AOC2: variants seen among roughly 807,000 people sequenced by gnomAD.
AOC2 encodes the protein amine oxidase [copper-containing] 2.
Under a neutral mutation model 53.8 loss-of-function variants are expected in AOC2, and 57 were observed. The observed-to-expected ratio is 1.06, with a 90% CI of 0.86 to 1.32. The LOEUF is 1.32. AOC2 is among the 40% of genes most tolerant of loss of function. The pLI is 0.00. For missense variants in AOC2, 1,008 were observed against 957.2 expected (o/e 1.05, Z -0.70); for synonymous variants, 404 against 399.0 (o/e 1.01, Z -0.15).
intron 1 of AOC2, among the ~76,000 whole-genome samples, chr17:42,846,834 C>T (rs2055603462): frequency 6.6e-6 from 1 of 152,174 alleles, no homozygotes; most frequent in South Asian, 2.1e-4. Flanking sequence ...GGGCTCAAAG[C>T]ACACAGAGGA....
rs1292333411 is a variant in AOC2, at chr17:42,845,798, G to A, written c.1172G>A (p.Gly391Asp). The A allele has an allele frequency of 3.1e-6, 5 of 1,614,092 alleles. No individual in the cohort carries two copies. The highest frequency in any genetic ancestry group is 4.2e-6 in the Non-Finnish European group (5 of 1,180,052). ...TTTGGACTCGGCCGTAACAGCCGAG[G>A]CTTGGTGCGGGGAGTGGACTGCCCC... The part of the protein sequence containing the change: ...SSFGLGRNSR[G>D]LVRGVDCPYQ... The change falls in exon 1 of 4, where the codon GGC becomes GAC. Residue 391 changes from glycine to aspartate, a missense_variant. Physicochemically the swap from Gly to Asp is moderately conservative, Grantham distance 94. Transcript: ENST00000253799.
chr17:42,845,030 G>A lies in AOC2; in HGVS notation c.404G>A (p.Ser135Asn). Reference protein sequence around the residue: ...LFGGQPQPNVSELVVGPLPHP... With the variant: ...LFGGQPQPNVNELVVGPLPHP... The stretch of plus-strand genomic sequence containing the variant: ...GGTGGACAACCCCAACCCAATGTGA[G>A]TGAGCTGGTGGTGGGGCCGCTGCCT... Residue 135 changes from serine to asparagine, a missense_variant, in exon 1 of 4, where the codon AGT becomes AAT. Transcript: ENST00000253799. 3 of 1,613,932 alleles carry A rather than the reference G, an allele frequency of 1.9e-6. No homozygotes were observed. Among genetic ancestry groups the A allele is most frequent in the Non-Finnish European group, 2.5e-6 (3 of 1,180,000 alleles).
chr17:42,850,052 T>C (rs1333139247), intron 3 of AOC2, 30 bp from the exon 4 acceptor site: 1 of 1,606,026 alleles, frequency 6.2e-7, no homozygotes, highest in Admixed American at 1.7e-5. Context: ...CACGCTTCCA[T>C]AGTCCTCCAG....
Position 42,845,705 on chromosome 17 carries a change from A to G in AOC2, c.1079A>G (p.Gln360Arg), listed in dbSNP as rs2055592062. The change falls in exon 1 of 4, where the codon CAG becomes CGG. Residue 360 changes from glutamine (Q) to arginine (R), a missense_variant. Transcript: ENST00000253799. ...CGAATAGCCTATGAAGTCAGTGTCC[A>G]GGAGTGTGTATCTATCTATGGTGCC... ...GERIAYEVSVQECVSIYGADS... is the reference protein window; with the variant it reads ...GERIAYEVSVRECVSIYGADS... 6.8e-6 allele frequency: 11 copies of G among 1,614,098 alleles called. No individual in the cohort carries two copies. The highest frequency in any genetic ancestry group is 1.3e-5 in the African/African-American group (1 of 74,924).
At chr17:42,846,876 A>C (rs995532678) in intron 1 of AOC2, among the ~76,000 whole-genome samples, 1 of 152,258 alleles carries the variant, frequency 6.6e-6, no homozygotes, top group Admixed American at 6.5e-5. Flanking sequence ...TGTCAAGGAC[A>C]GAAAGGAACT....
chr17:42,845,885 C>G lies in AOC2; in HGVS notation c.1259C>G (p.Pro420Arg). Reference sequence around the variant, plus strand: ...GGCAAAGGGGCAGTCCAGCTGCTTCCAGGGGCTGTGTGTGTATTTGAGGAA... The same window carrying G: ...GGCAAAGGGGCAGTCCAGCTGCTTCGAGGGGCTGTGTGTGTATTTGAGGAA... The part of the protein sequence containing the change: ...LVGKGAVQLL[P>R]GAVCVFEEAQ... The change falls in exon 1 of 4, where the codon CCA becomes CGA. Residue 420 changes from proline (P) to arginine (R), a missense_variant. Coordinates refer to ENST00000253799, the MANE Select transcript of AOC2 (RefSeq NM_009590.4). 5 of 1,614,112 alleles carry G rather than the reference C, an allele frequency of 3.1e-6. No individual in the cohort carries two copies. The highest frequency in any genetic ancestry group is 4.2e-6 in the Non-Finnish European group (5 of 1,180,014).
At chr17:42,849,424 C>T in intron 2 of AOC2, 53 bp downstream of exon 2, 1 of 1,590,166 alleles carries the variant, frequency 6.3e-7, no homozygotes, top group African/African-American at 1.3e-5. Flanking sequence ...TCCCCTGCCC[C>T]AGTCCTTGGA....
chr17:42,847,079 G>A (rs970210758), intron 1 of AOC2, among the ~76,000 whole-genome samples: 8 of 152,240 alleles, frequency 5.3e-5, no homozygotes, highest in Middle Eastern at 3.2e-3. Context: ...GCGTGCCTGC[G>A]TGTGTCTCTG....
In AOC2 at chr17:42,850,454, C is replaced by G; in HGVS notation, c.*106C>G. 3 of 1,352,264 alleles carry G rather than the reference C, an allele frequency of 2.2e-6. No individual in the cohort carries two copies. Among genetic ancestry groups the G allele is most frequent in the Non-Finnish European group, 2.0e-6 (2 of 1,009,366 alleles). The allele number at this position is 1,352,264 out of a possible 1,614,324, so 83.8% of individuals were successfully genotyped here. ...CACCTGCTCCCCAGATTCCCACCCC[C>G]TCAATGTTCCTCTCACACGAAACCC... On this transcript the variant is annotated 3_prime_UTR_variant, in exon 4 of 4. Coordinates refer to ENST00000253799, the MANE Select transcript of AOC2 (RefSeq NM_009590.4).
In AOC2 at chr17:42,850,481, C is replaced by T. The variant is rs2055646519; in HGVS notation, c.*133C>T. The T allele has an allele frequency of 1.9e-6, 2 of 1,069,880 alleles. No homozygotes were observed. The highest frequency in any genetic ancestry group is 5.0e-5 in the East Asian group (2 of 39,716). 66.3% of individuals were successfully genotyped at this position (1,069,880 alleles called of 1,614,324 possible). A position where few individuals can be genotyped will look rare whatever the true frequency, so the allele number is the denominator to read the frequency against. On this transcript the variant is annotated 3_prime_UTR_variant, in exon 4 of 4. Transcript: ENST00000253799. ...CAATGTTCCTCTCACACGAAACCCC[C>T]ATCAGTCCCTTTGGTTAATTCTTAC...
chr17:42,849,317 T>C lies in AOC2; in HGVS notation c.1820T>C (p.Leu607Pro). The change falls in exon 2 of 4, where the codon CTT becomes CCT. Residue 607 changes from leucine (L) to proline (P), a missense_variant. Physicochemically the swap from Leu to Pro is moderately conservative, Grantham distance 98. Coordinates refer to ENST00000253799, the MANE Select transcript of AOC2 (RefSeq NM_009590.4). ...TACCGAATCCAGATCCACAGCCCCC[T>C]TGGCATACACATACCCCTGGAGAGT... is the stretch of plus-strand genomic sequence containing the variant. ...RGYRIQIHSP[L>P]GIHIPLESDM... The C allele has an allele frequency of 6.2e-7, 1 of 1,614,108 alleles. No homozygotes were observed. Among genetic ancestry groups the C allele is most frequent in the Non-Finnish European group, 8.5e-7 (1 of 1,180,004 alleles).
rs932572377 is a variant in AOC2 at position 42,849,586 on chromosome 17, A to G, written c.1875-15A>G. 9 of 1,614,222 alleles carry G rather than the reference A, an allele frequency of 5.6e-6. No homozygotes were observed. Among genetic ancestry groups the G allele is most frequent in the South Asian group, 2.2e-5 (2 of 91,088 alleles). On this transcript the variant is annotated splice_polypyrimidine_tract_variant and intron_variant, in intron 2 of 3. Transcript: ENST00000253799. ...TGACATTTCCCAAAACCACCTTCTT[A>G]TGATTCCTGGCCAGATACCAGCTTG...
At position 42,845,124 on chromosome 17, in the gene AOC2, G is replaced by A. The variant is rs572326260; in HGVS notation, c.498G>A (p.Pro166=). 62 of 1,613,768 alleles carry A rather than the reference G, an allele frequency of 3.8e-5. No homozygotes were observed. Among genetic ancestry groups the A allele is most frequent in the African/African-American group, 6.7e-5 (5 of 75,062 alleles). The change falls in exon 1 of 4, where the codon CCG becomes CCA. Residue 166 remains proline, a synonymous_variant. Coordinates refer to ENST00000253799, the MANE Select transcript of AOC2 (RefSeq NM_009590.4). Reference sequence around the variant, plus strand: ...GGCCCCTGCCCTATCACCGTCGCCCGGTGCTGAGAGCTGAGTTTACACAGA... The same window carrying A: ...GGCCCCTGCCCTATCACCGTCGCCCAGTGCTGAGAGCTGAGTTTACACAGA... The part of the protein sequence containing the change: ...HGGPLPYHRR[P]VLRAEFTQMW...
chr17:42,847,993 A>G (rs1004652664), intron 1 of AOC2, among the ~76,000 whole-genome samples: 2 of 147,336 alleles, frequency 1.4e-5, no homozygotes, highest in African/African-American at 5.1e-5. Flanking sequence ...GGCCAGGCTC[A>G]TCTTGAACTC....
At position 42,844,773 on chromosome 17, in the gene AOC2, C is replaced by A. The variant is rs145927458; in HGVS notation, c.147C>A (p.His49Gln). Residue 49 changes from histidine to glutamine, a missense_variant, in exon 1 of 4, where the codon CAC becomes CAA. His to Gln is a conservative substitution (Grantham distance 24). Transcript: ENST00000253799. ...SVSHRAQPWP[H>Q]PGQSQLFADL... ...CCCATAGGGCCCAGCCCTGGCCACACCCTGGCCAGAGCCAGCTGTTTGCAG... is the reference window on the plus strand; with the variant it reads ...CCCATAGGGCCCAGCCCTGGCCACAACCTGGCCAGAGCCAGCTGTTTGCAG... The A allele has an allele frequency of 1.4e-3, 2,215 of 1,614,242 alleles. 1 individual carries two copies. Among genetic ancestry groups the A allele is most frequent in the Non-Finnish European group, 1.6e-3 (1,917 of 1,180,034 alleles).
chr17:42,844,890 G>C lies in AOC2; in HGVS notation c.264G>C (p.Ser88=). The C allele has an allele frequency of 6.2e-7, 1 of 1,612,812 alleles. No homozygotes were observed. Among genetic ancestry groups the C allele is most frequent in the Non-Finnish European group, 8.5e-7 (1 of 1,179,308 alleles). ...GLVDAAQAQP[S]DNCIFSVELQ... ...TGGACGCAGCCCAGGCTCAGCCCTC[G>C]GACAACTGCATCTTCTCAGTGGAGC... is the stretch of plus-strand genomic sequence containing the variant. The change falls in exon 1 of 4, where the codon TCG becomes TCC. Residue 88 remains serine (S), a synonymous_variant. Coordinates refer to ENST00000253799, the MANE Select transcript of AOC2 (RefSeq NM_009590.4).
Position 42,845,834 on chromosome 17 carries a change from C to T in AOC2, c.1208C>T (p.Thr403Met), listed in dbSNP as rs766601592. The T allele has an allele frequency of 3.3e-5, 53 of 1,613,964 alleles. No homozygotes were observed. Among genetic ancestry groups the T allele is most frequent in the Non-Finnish European group, 3.7e-5 (44 of 1,180,040 alleles). Residue 403 changes from threonine to methionine, a missense_variant, in exon 1 of 4, where the codon ACG (threonine) becomes ATG (methionine). Physicochemically the swap from Thr to Met is moderately conservative, Grantham distance 81. Transcript: ENST00000253799. ...VRGVDCPYQA[T>M]MVDIHILVGK... is the part of the protein sequence containing the mutation. ...GGAGTGGACTGCCCCTATCAAGCCA[C>T]GATGGTGGACATCCATATATTAGTG...
Position 42,850,311 on chromosome 17 carries a change from TC to T in AOC2, c.2237del (p.Pro746ArgfsTer62). Reference sequence around the variant, plus strand: ...TGCCTCCCCGACCTGGCAGCCTGTGTCCCGGACTTACCCCCTTTCTCTTACC... The same window carrying T: ...TGCCTCCCCGACCTGGCAGCCTGTGTCCGGACTTACCCCCTTTCTCTTACC... ...VACLPDLAAC[V>X]PDLPPFSYHG... On this transcript the variant is annotated frameshift_variant, in exon 4 of 4. Coordinates refer to ENST00000253799, the MANE Select transcript of AOC2 (RefSeq NM_009590.4). LOFTEE classifies it high-confidence loss of function. 1 of 1,610,864 alleles carries T rather than the reference TC, an allele frequency of 6.2e-7. No individual in the cohort carries two copies. The highest frequency in any genetic ancestry group is 2.2e-5 in the East Asian group (1 of 44,774).
rs1422319359 is a variant in AOC2 at position 42,845,140 on chromosome 17, T to A, written c.514T>A (p.Phe172Ile). The A allele has an allele frequency of 6.2e-7, 1 of 1,613,474 alleles. No homozygotes were observed. Among genetic ancestry groups the A allele is most frequent in the East Asian group, 2.2e-5 (1 of 44,862 alleles). Residue 172 changes from phenylalanine (F) to isoleucine (I), a missense_variant, in exon 1 of 4, where the codon TTT becomes ATT. Coordinates refer to ENST00000253799, the MANE Select transcript of AOC2 (RefSeq NM_009590.4). ...YHRRPVLRAE[F>I]TQMWRHLKEV... is the part of the protein sequence containing the mutation. ...CCGTCGCCCGGTGCTGAGAGCTGAG[T>A]TTACACAGATGTGGAGGCATCTGAA...
Sources: gnomAD v4.1 joint callset for allele counts (sites outside exome capture counted in the v4.1 genomes callset) on GRCh38, gnomAD v4.1.1 for gene constraint, MANE v1.5 for transcripts, NCBI Gene and HGNC (gene_info 2026-07-23, HGNC 2026-07-21) for gene names.